EVI5: variants seen among roughly 807,000 people sequenced by gnomAD.
EVI5 encodes ecotropic viral integration site 5, also known as ecotropic viral integration site 5 protein homolog.
Under a neutral mutation model 112.0 loss-of-function variants are expected in EVI5, and 73 were observed. The observed-to-expected ratio is 0.65, with a 90% CI of 0.54 to 0.79. The LOEUF is 0.79. EVI5 is among the 30% of genes least tolerant of loss of function. EVI5 has a pLI of 0.00. For synonymous variants in EVI5, 305 were observed against 319.9 expected (o/e 0.95, Z 0.50); for missense variants, 900 against 968.8 (o/e 0.93, Z 0.94).
chr1:92,702,041 C>T, intron 5 of EVI5, 100 bp downstream of exon 5: 1 of 583,974 alleles, frequency 1.7e-6, no homozygotes, highest in African/African-American at 2.1e-5. Context: ...AAAAAATACC[C>T]ATATCCACTT....
chr1:92,534,343 T>C (rs796938739), intron 19 of EVI5, among the ~76,000 whole-genome samples: 7 of 152,326 alleles, frequency 4.6e-5, no homozygotes, highest in African/African-American at 1.7e-4. Flanking sequence ...ATTGTGACAA[T>C]GGCCATACTG....
At chr1:92,766,813 G>C (rs1473772323) in intron 1 of EVI5, among the ~76,000 whole-genome samples, 1 of 152,168 alleles carries the variant, frequency 6.6e-6, no homozygotes, top group Non-Finnish European at 1.5e-5. Flanking sequence ...CAGGCGCAGT[G>C]ATTCAAGCCT....
chr1:92,702,464 A>AAAATC (rs1671331791), intron 4 of EVI5, among the ~76,000 whole-genome samples: 1 of 151,036 alleles, frequency 6.6e-6, no homozygotes, highest in African/African-American at 2.4e-5. Flanking sequence ...AAAATAAAAT[A>AAAATC]AAATAAAATA....
chr1:92,590,251 C>G (rs1461481833), intron 18 of EVI5, among the ~76,000 whole-genome samples: 1 of 151,766 alleles, frequency 6.6e-6, no homozygotes, highest in Non-Finnish European at 1.5e-5. Context: ...AGCAATGGAA[C>G]AAAGCTGGAC....
At chr1:92,591,481 A>G (rs1164858738) in intron 18 of EVI5, among the ~76,000 whole-genome samples, 1 of 152,214 alleles carries the variant, frequency 6.6e-6, no homozygotes, top group Non-Finnish European at 1.5e-5. Context: ...AATAAAACAG[A>G]CTTTAAACCA....
At chr1:92,582,468 G>T (rs369552125) in intron 18 of EVI5, among the ~76,000 whole-genome samples, 34 of 152,146 alleles carry the variant, frequency 2.2e-4, no homozygotes, top group African/African-American at 8.0e-4. Flanking sequence ...TGATGAGAAG[G>T]TATCAGTCAT....
chr1:92,687,753 A>C (rs1349202199), intron 9 of EVI5, among the ~76,000 whole-genome samples: 1 of 152,254 alleles, frequency 6.6e-6, no homozygotes, highest in Non-Finnish European at 1.5e-5. Flanking sequence ...TCTCAAAAGA[A>C]GACATTTATG....
chr1:92,668,618 T>C (rs1006417698), intron 10 of EVI5, among the ~76,000 whole-genome samples: 5 of 152,208 alleles, frequency 3.3e-5, no homozygotes, highest in African/African-American at 1.2e-4. Context: ...TATTTCATTA[T>C]AAATAAAAAT....
intron 14 of EVI5, among the ~76,000 whole-genome samples, chr1:92,633,580 T>C (rs878907341): frequency 6.6e-6 from 1 of 152,174 alleles, no homozygotes; most frequent in Non-Finnish European, 1.5e-5. Context: ...GCATGTGAGA[T>C]GGGTTTCCTG....
intron 2 of EVI5, among the ~76,000 whole-genome samples, chr1:92,726,839 T>G (rs1675643158): frequency 6.6e-6 from 1 of 152,140 alleles, no homozygotes; most frequent in Non-Finnish European, 1.5e-5. Context: ...ACATGTGAAG[T>G]GGTATAACCC....
At chr1:92,581,190 G>C (rs1289621527) in intron 18 of EVI5, among the ~76,000 whole-genome samples, 2 of 152,106 alleles carry the variant, frequency 1.3e-5, no homozygotes, top group Non-Finnish European at 2.9e-5. Context: ...GCTCAAGCTT[G>C]TTCTCACTTT....
At chr1:92,586,788 C>A (rs1672874842) in intron 18 of EVI5, among the ~76,000 whole-genome samples, 1 of 151,178 alleles carries the variant, frequency 6.6e-6, no homozygotes, top group Admixed American at 6.6e-5. Flanking sequence ...TACATGTGCA[C>A]AATGTGCAGG....
At chr1:92,599,435 T>C (rs1648643328) in intron 18 of EVI5, among the ~76,000 whole-genome samples, 1 of 152,034 alleles carries the variant, frequency 6.6e-6, no homozygotes, top group African/African-American at 2.4e-5. Flanking sequence ...GAAAATAACC[T>C]AAAATATATT....
chr1:92,744,612 AC>A lies in EVI5; in HGVS notation c.-81-7986del, dbSNP rs1300607284. The stretch of plus-strand genomic sequence containing the variant: ...CTCTCTCTCTCTCTCACACACACAC[AC>A]ACACACACACACACACACACACACA... On this transcript the variant is annotated intron_variant, in intron 1 of 19. Transcript: ENST00000684568. Among the ~76,000 whole-genome samples, 34 of 50,826 alleles carry A rather than the reference AC, an allele frequency of 6.7e-4. 1 individual carries two copies. Among genetic ancestry groups the A allele is most frequent in the African/African-American group, 2.4e-3 (34 of 14,336 alleles). 33.3% of individuals were successfully genotyped at this position (50,826 alleles called of 152,430 possible). A position where few individuals can be genotyped will look rare whatever the true frequency, so the allele number is the denominator to read the frequency against.
intron 1 of EVI5, among the ~76,000 whole-genome samples, chr1:92,768,663 C>T (rs1296804160): frequency 6.6e-6 from 1 of 152,030 alleles, no homozygotes; most frequent in Non-Finnish European, 1.5e-5. Flanking sequence ...CTGCTTGATC[C>T]CAGGAGTTTA....
intron 19 of EVI5, among the ~76,000 whole-genome samples, chr1:92,525,963 A>C (rs954653257): frequency 6.6e-6 from 1 of 152,210 alleles, no homozygotes; most frequent in African/African-American, 2.4e-5. Context: ...TACACACACA[A>C]ACATACAAAT....
intron 14 of EVI5, among the ~76,000 whole-genome samples, chr1:92,635,350 T>C (rs910345703): frequency 6.6e-6 from 1 of 152,148 alleles, no homozygotes; most frequent in Non-Finnish European, 1.5e-5. Flanking sequence ...CCTGGCCGCG[T>C]TGTTTACCTA....
chr1:92,633,050 A>C (rs190679723), intron 14 of EVI5, among the ~76,000 whole-genome samples: 126 of 152,256 alleles, frequency 8.3e-4, no homozygotes, highest in Non-Finnish European at 1.6e-3. Flanking sequence ...AGTTTGTTAT[A>C]ATTTCTGTTC....
chr1:92,633,150 T>C (rs942220022), intron 14 of EVI5, among the ~76,000 whole-genome samples: 7 of 152,190 alleles, frequency 4.6e-5, no homozygotes, highest in Non-Finnish European at 8.8e-5. Context: ...GTATATTCTG[T>C]TGATTTGGGG....
Sources: allele counts gnomAD v4.1 joint callset (sites outside exome capture counted in the v4.1 genomes callset), GRCh38; gene constraint gnomAD v4.1.1; transcripts MANE v1.5; gene names NCBI Gene and HGNC (gene_info 2026-07-23, HGNC 2026-07-21).